The following KPNA1 variants were observed in gnomAD, a reference collection of about 807,000 sequenced individuals.
KPNA1 encodes the protein importin subunit alpha-5.
Under a neutral mutation model 70.5 loss-of-function variants are expected in KPNA1, and 10 were observed. The ratio of observed to expected loss-of-function variants is 0.14; its 90% CI spans 0.09 to 0.24. The LOEUF (loss-of-function observed/expected upper bound fraction) is 0.24. KPNA1 is among the 10% of genes least tolerant of loss of function. The probability of loss-of-function intolerance (pLI) is 1.00; values close to 1 mark genes in which losing one functional copy is unlikely to be tolerated. For missense variants in KPNA1, 397 were observed against 637.9 expected (o/e 0.62, Z 4.07); for synonymous variants, 192 against 221.9 (o/e 0.87, Z 1.20).
At chr3:122,482,092 C>G (rs1275686121) in intron 2 of KPNA1, among the ~76,000 whole-genome samples, 2 of 152,268 alleles carry the variant, frequency 1.3e-5, no homozygotes, top group Non-Finnish European at 2.9e-5. Context: ...CATCACACGA[C>G]TTCATCATCA....
rs143259830 is a variant in KPNA1 at position 122,454,080 on chromosome 3, C to T, written c.433-79G>A. ...ACTTATAACAGTAACATTTTCTGTACATGAAAAAAAGATTCTGAGATCATT... is the reference window on the plus strand; with the variant it reads ...ACTTATAACAGTAACATTTTCTGTATATGAAAAAAAGATTCTGAGATCATT... On this transcript the variant is annotated intron_variant, in intron 5 of 13. Coordinates refer to ENST00000344337, the MANE Select transcript of KPNA1 (RefSeq NM_002264.4). 1.1e-4 allele frequency: 107 copies of T among 978,090 alleles called. No homozygotes were observed. In the East Asian group the frequency reaches 3.0e-3, roughly 27 times the overall value. 60.6% of individuals were successfully genotyped at this position (978,090 alleles called of 1,614,324 possible). A position where few individuals can be genotyped will look rare whatever the true frequency, so the allele number is the denominator to read the frequency against.
chr3:122,455,320 G>C (rs1357352746), intron 5 of KPNA1, among the ~76,000 whole-genome samples: 1 of 152,152 alleles, frequency 6.6e-6, no homozygotes, highest in East Asian at 1.9e-4. Context: ...GTGAGGTAAG[G>C]TGGTTTAGTA....
intron 1 of KPNA1, among the ~76,000 whole-genome samples, chr3:122,502,447 TAAG>T (rs1236210623): frequency 6.6e-6 from 1 of 152,196 alleles, no homozygotes; most frequent in African/African-American, 2.4e-5. Flanking sequence ...AAAGGCTACA[TAAG>T]AAGACAAGAA....
intron 2 of KPNA1, among the ~76,000 whole-genome samples, chr3:122,480,576 A>C (rs1482348304): frequency 6.6e-6 from 1 of 152,160 alleles, no homozygotes. Context: ...GATAGAAGGA[A>C]ACTAACACCA....
chr3:122,422,335 A>C lies in KPNA1; in HGVS notation c.*4650T>G, dbSNP rs2075772871. ...TAGCCATTATTTTACTAAACACAAAATCATTTGCACAAAAAAAAAAAAAAA... is the reference window on the plus strand; with the variant it reads ...TAGCCATTATTTTACTAAACACAAACTCATTTGCACAAAAAAAAAAAAAAA... On this transcript the variant is annotated 3_prime_UTR_variant, in exon 14 of 14. Coordinates refer to ENST00000344337, the MANE Select transcript of KPNA1 (RefSeq NM_002264.4). The C allele has an allele frequency of 7.0e-6, 1 of 143,666 alleles. No homozygotes were observed. The highest frequency in any genetic ancestry group is 2.3e-4 in the South Asian group (1 of 4,290). 8.9% of individuals were successfully genotyped at this position (143,666 alleles called of 1,614,324 possible). A position where few individuals can be genotyped will look rare whatever the true frequency, so the allele number is the denominator to read the frequency against.
At chr3:122,439,194 A>G (rs1160916229) in intron 10 of KPNA1, among the ~76,000 whole-genome samples, 1 of 152,148 alleles carries the variant, frequency 6.6e-6, no homozygotes, top group Non-Finnish European at 1.5e-5. Context: ...AGGCTATTTT[A>G]TTTTAAGAAA....
chr3:122,465,717 T>C (rs2076372702), intron 3 of KPNA1, among the ~76,000 whole-genome samples: 1 of 152,206 alleles, frequency 6.6e-6, no homozygotes, highest in African/African-American at 2.4e-5. Context: ...CTGGCCAATA[T>C]GGTGAAACCC....
At position 122,436,093 on chromosome 3, in the gene KPNA1, G is replaced by A. The variant is rs1413241843; in HGVS notation, c.1122+1077C>T. ...AAAGAGAATGCGTTCCTAGGGGGAG[G>A]TCTCTAAAATGGCCACTCTGGGACT... On this transcript the variant is annotated intron_variant, in intron 11 of 13. Transcript: ENST00000344337. 3.3e-5 allele frequency among the ~76,000 whole-genome samples: 5 copies of A among 152,152 alleles called. No individual in the cohort carries two copies. The East Asian group carries it at 9.6e-4, about 29-fold the overall frequency.
At chr3:122,435,067 G>A (rs1009077634) in intron 11 of KPNA1, among the ~76,000 whole-genome samples, 1 of 152,114 alleles carries the variant, frequency 6.6e-6, no homozygotes, top group African/African-American at 2.4e-5. Flanking sequence ...TACTAGAGGT[G>A]CTCTTGAGCA....
chr3:122,476,877 A>AAAAAAAAAAAC (rs2076505357), intron 2 of KPNA1, among the ~76,000 whole-genome samples: 1 of 150,286 alleles, frequency 6.7e-6, no homozygotes, highest in East Asian at 1.9e-4. Flanking sequence ...AAAAAAAAAA[A>AAAAAAAAAAAC]AAAAAAACTA....
At chr3:122,506,259 AT>A (rs1462055838) in intron 1 of KPNA1, among the ~76,000 whole-genome samples, 8 of 152,238 alleles carry the variant, frequency 5.3e-5, no homozygotes, top group Non-Finnish European at 1.2e-4. Context: ...TAATTCCACC[AT>A]ATAAATCAGG....
intron 1 of KPNA1, among the ~76,000 whole-genome samples, chr3:122,503,643 C>G (rs1189575324): frequency 6.6e-6 from 1 of 152,182 alleles, no homozygotes; most frequent in East Asian, 1.9e-4. Flanking sequence ...ATACTTCCCA[C>G]TGTCTGGCCC....
At chr3:122,477,627 C>T (rs2076517710) in intron 2 of KPNA1, among the ~76,000 whole-genome samples, 1 of 151,902 alleles carries the variant, frequency 6.6e-6, no homozygotes, top group African/African-American at 2.4e-5. Context: ...GCTACGGTGA[C>T]CCACAATCAC....
chr3:122,498,843 A>C (rs545935203), intron 1 of KPNA1, among the ~76,000 whole-genome samples: 1 of 152,316 alleles, frequency 6.6e-6, no homozygotes, highest in East Asian at 1.9e-4. Context: ...CAGTTTGGGA[A>C]ATACCGGCAC....
In KPNA1 at chr3:122,423,163, T is replaced by C. The variant is rs781591301; in HGVS notation, c.*3822A>G. ...ATTCTTTATGATAGCCAACTTACTG[T>C]AGTAGTCACATCTGACCTTTGATAA... On this transcript the variant is annotated 3_prime_UTR_variant, in exon 14 of 14. Transcript: ENST00000344337. The C allele has an allele frequency of 1.3e-5, 2 of 152,218 alleles. No homozygotes were observed. Among genetic ancestry groups the C allele is most frequent in the Non-Finnish European group, 2.9e-5 (2 of 68,036 alleles). The allele number at this position is 152,218 out of a possible 1,614,324, so 9.4% of individuals were successfully genotyped here. A position where few individuals can be genotyped will look rare whatever the true frequency, so the allele number is the denominator to read the frequency against.
chr3:122,459,895 G>T (rs1347458022), intron 5 of KPNA1: 26 of 985,158 alleles, frequency 2.6e-5, no homozygotes, highest in Non-Finnish European at 2.8e-5. Flanking sequence ...TCATCAAGTT[G>T]TATGAATAAT....
chr3:122,490,419 A>G (rs2076685036), intron 2 of KPNA1, among the ~76,000 whole-genome samples: 9 of 152,156 alleles, frequency 5.9e-5, no homozygotes. Flanking sequence ...CATGTATTTT[A>G]TCTGTTTATT....
At position 122,453,899 on chromosome 3, in the gene KPNA1, T is replaced by C; in HGVS notation, c.535A>G (p.Ser179Gly). 6.2e-7 allele frequency: 1 copy of C among 1,610,172 alleles called. No homozygotes were observed. The highest frequency in any genetic ancestry group is 8.5e-7 in the Non-Finnish European group (1 of 1,178,432). The change falls in exon 6 of 14, where the codon AGC becomes GGC. Residue 179 changes from serine to glycine, a missense_variant. Physicochemically the swap from Ser to Gly is moderately conservative, Grantham distance 56 (BLOSUM62 0). Transcript: ENST00000344337. ...GAVPIFIELL[S>G]SEFEDVQEQA... ...TCCTGGACATCTTCAAACTCTGAGC[T>C]GAGCAACTCTATGAAGATGGGCACA...
At chr3:122,463,504 CAG>C (rs2076348593) in intron 4 of KPNA1, among the ~76,000 whole-genome samples, 1 of 147,886 alleles carries the variant, frequency 6.8e-6, no homozygotes, top group Admixed American at 6.8e-5. Context: ...AGACTGGCAA[CAG>C]AGCCGTCTTT....
Sources: gnomAD v4.1 joint callset for allele counts (sites outside exome capture counted in the v4.1 genomes callset) on GRCh38, gnomAD v4.1.1 for gene constraint, MANE v1.5 for transcripts, NCBI Gene and HGNC (gene_info 2026-07-23, HGNC 2026-07-21) for gene names.